NUP62CL: variants seen among roughly 807,000 people sequenced by gnomAD.
NUP62CL encodes nucleoporin 62 C-terminal like.
A neutral mutation model predicts 15.3 loss-of-function variants in NUP62CL; 13 were observed. That is an observed-to-expected ratio of 0.85 (90% CI 0.55 to 1.35). The LOEUF is 1.35. NUP62CL is among the 40% of genes most tolerant of loss of function. The pLI, the probability that NUP62CL is intolerant of heterozygous loss-of-function variation, is 0.00. For missense variants in NUP62CL, 123 were observed against 130.6 expected, an observed-to-expected ratio of 0.94 and a Z score of 0.28; for synonymous variants, 54 against 49.2, an observed-to-expected ratio of 1.10 and a Z score of -0.41.
chrX:107,195,196 A>G (rs7065510), intron 1 of NUP62CL, among the ~76,000 whole-genome samples: 26,354 of 110,710 alleles, frequency 0.24, 2,593 homozygotes, highest in East Asian at 0.47. Flanking sequence ...ATAAATTATA[A>G]GAGAACTAAA....
At chrX:107,192,673 G>A (rs1373775618) in intron 2 of NUP62CL, among the ~76,000 whole-genome samples, 1 of 111,986 alleles carries the variant, frequency 8.9e-6, no homozygotes, top group Admixed American at 9.4e-5. Flanking sequence ...GAACCACTGC[G>A]CCAGGCCAGA....
chrX:107,154,197 T>G lies in NUP62CL; in HGVS notation c.244A>C (p.Asn82His). The G allele has an allele frequency of 8.3e-7, 1 of 1,207,304 alleles. No individual in the cohort carries two copies. Among genetic ancestry groups the G allele is most frequent in the East Asian group, 3.0e-5 (1 of 33,779 alleles). Reference sequence around the variant, plus strand: ...TCTTCCAGCTCAAGGTTCCACTCATTTATAAGACCCTCCAGATGACCATAT... The same window carrying G: ...TCTTCCAGCTCAAGGTTCCACTCATGTATAAGACCCTCCAGATGACCATAT... ...MTYGHLEGLI[N>H]EWNLELEDQE... Residue 82 changes from asparagine (N) to histidine (H), a missense_variant, in exon 5 of 9, where the codon AAT becomes CAT. Asn to His is a moderately conservative substitution (Grantham distance 68). Coordinates refer to ENST00000372466, the MANE Select transcript of NUP62CL (RefSeq NM_017681.3).
chrX:107,181,443 T>C (rs927945830), intron 2 of NUP62CL, among the ~76,000 whole-genome samples: 11 of 111,508 alleles, frequency 9.9e-5, no homozygotes, highest in Non-Finnish European at 1.9e-4. Flanking sequence ...CCCTGTTCCA[T>C]AGCACTAGAA....
At chrX:107,155,781 G>A (rs1245705760) in intron 4 of NUP62CL, among the ~76,000 whole-genome samples, 1 of 112,836 alleles carries the variant, frequency 8.9e-6, no homozygotes, top group East Asian at 2.8e-4. Flanking sequence ...GAGGAGCCAA[G>A]ATGGCCAAAT....
rs147663175 is a variant in NUP62CL at position 107,146,761 on chromosome X, C to T, written c.*42+982G>A. On this transcript the variant is annotated intron_variant, in intron 8 of 8. Coordinates refer to ENST00000372466, the MANE Select transcript of NUP62CL (RefSeq NM_017681.3). Reference sequence around the variant, plus strand: ...CATCCTAATGTGGCCAGTGGGAGTCCCTTCAAGCACAATCTTGTGCCCTGA... The same window carrying T: ...CATCCTAATGTGGCCAGTGGGAGTCTCTTCAAGCACAATCTTGTGCCCTGA... Among the ~76,000 whole-genome samples the T allele has an allele frequency of 0.01, 1,147 of 111,172 alleles. 12 individuals carry two copies. In the South Asian group the frequency reaches 0.11, roughly 11 times the overall value.
At chrX:107,191,432 G>A (rs1237659207) in intron 2 of NUP62CL, among the ~76,000 whole-genome samples, 2 of 109,868 alleles carry the variant, frequency 1.8e-5, no homozygotes, top group Admixed American at 9.8e-5. Flanking sequence ...TTATATGGCC[G>A]GGCGCCGTGG....
At chrX:107,193,731 T>C (rs1303381057) in intron 1 of NUP62CL, among the ~76,000 whole-genome samples, 2 of 109,084 alleles carry the variant, frequency 1.8e-5, no homozygotes, top group Non-Finnish European at 3.8e-5. Context: ...AGACAAGATA[T>C]ACAAAACATC....
chrX:107,189,878 AAAG>A (rs1409179006), intron 2 of NUP62CL, among the ~76,000 whole-genome samples: 169 of 20,056 alleles, frequency 8.4e-3, no homozygotes, highest in Middle Eastern at 0.061. Flanking sequence ...AAAAGAAAGA[AAAG>A]AAAGAAAGAA....
chrX:107,160,016 G>C (rs369514954), intron 4 of NUP62CL, among the ~76,000 whole-genome samples: 84 of 93,288 alleles, frequency 9.0e-4, no homozygotes, highest in Admixed American at 1.2e-3. Flanking sequence ...AATCATGAGT[G>C]AACTCCCATT....
At chrX:107,195,920 A>C (rs748844411) in intron 1 of NUP62CL, among the ~76,000 whole-genome samples, 1 of 104,891 alleles carries the variant, frequency 9.5e-6, no homozygotes, top group East Asian at 3.2e-4. Context: ...CATGATGATA[A>C]TATAAATATT....
chrX:107,184,347 GAAA>G (rs1279880937), intron 2 of NUP62CL, among the ~76,000 whole-genome samples: 1 of 69,036 alleles, frequency 1.4e-5, no homozygotes, highest in Admixed American at 1.6e-4. Context: ...AAGAAAGAAA[GAAA>G]GAAAGAAACT....
intron 1 of NUP62CL, among the ~76,000 whole-genome samples, chrX:107,202,240 T>C (rs6523933): frequency 0.19 from 21,189 of 111,242 alleles, 1,608 homozygotes; most frequent in East Asian, 0.47. Context: ...TGATGGTTCA[T>C]AAGTCTATTT....
chrX:107,178,373 T>G (rs1390873110), intron 2 of NUP62CL, among the ~76,000 whole-genome samples: 2 of 112,185 alleles, frequency 1.8e-5, no homozygotes, highest in African/African-American at 6.5e-5. Flanking sequence ...ACAGATTACC[T>G]GCCTCTTTAA....
chrX:107,179,009 C>T (rs1482891728), intron 2 of NUP62CL, among the ~76,000 whole-genome samples: 8 of 108,414 alleles, frequency 7.4e-5, no homozygotes, highest in South Asian at 8.3e-4. Flanking sequence ...GCAGGAGAAT[C>T]GCTTGAAACC....
intron 4 of NUP62CL, among the ~76,000 whole-genome samples, chrX:107,164,154 T>A (rs767277092): frequency 2.7e-5 from 3 of 111,551 alleles, no homozygotes; most frequent in Non-Finnish European, 5.7e-5. Context: ...CAAAGCATAT[T>A]CTAATACCAC....
At position 107,124,306 on chromosome X, in the gene NUP62CL, C is replaced by T. The variant is rs1450293741; in HGVS notation, c.*69G>A. 2.9e-6 allele frequency: 1 copy of T among 341,488 alleles called. No individual in the cohort carries two copies. Among genetic ancestry groups the T allele is most frequent in the South Asian group, 2.6e-5 (1 of 38,084 alleles). The allele number at this position is 341,488 out of a possible 1,213,427, so 28.1% of individuals were successfully genotyped here. A position where few individuals can be genotyped will look rare whatever the true frequency, so the allele number is the denominator to read the frequency against. ...CGATAATCCTCGAAAACCCGTGTTA[C>T]CACTTCTACCTTCCTTCGCAGCATG... On this transcript the variant is annotated 3_prime_UTR_variant, in exon 9 of 9. Coordinates refer to ENST00000372466, the MANE Select transcript of NUP62CL (RefSeq NM_017681.3).
intron 4 of NUP62CL, among the ~76,000 whole-genome samples, chrX:107,163,911 C>T (rs1397621275): frequency 1.8e-5 from 2 of 111,389 alleles, no homozygotes; most frequent in South Asian, 3.7e-4. Flanking sequence ...CAATTAAAGG[C>T]GGAGATTTCA....
chrX:107,157,080 AAAG>A, intron 4 of NUP62CL, among the ~76,000 whole-genome samples: 1 of 107,232 alleles, frequency 9.3e-6, no homozygotes, highest in Non-Finnish European at 1.9e-5. Context: ...TTTAGAGAAA[AAAG>A]AATAAAAAGA....
chrX:107,140,752 C>T (rs1422961881), intron 8 of NUP62CL, among the ~76,000 whole-genome samples: 4 of 111,995 alleles, frequency 3.6e-5, no homozygotes, highest in Non-Finnish European at 7.5e-5. Context: ...GCAGCAAATA[C>T]TATTTGTTGT....
Sources: gnomAD v4.1 joint callset for allele counts (sites outside exome capture counted in the v4.1 genomes callset) on GRCh38, gnomAD v4.1.1 for gene constraint, MANE v1.5 for transcripts, NCBI Gene and HGNC (gene_info 2026-07-23, HGNC 2026-07-21) for gene names.